Variants in PKP1 observed in about 807,000 individuals in gnomAD.
The protein encoded by PKP1 is plakophilin 1.
Under a neutral mutation model 76.4 loss-of-function variants are expected in PKP1, and 27 were observed. That is an observed-to-expected ratio of 0.35 (90% CI 0.26 to 0.49). The LOEUF is 0.49. Ranked by LOEUF, PKP1 falls within the 20% of genes least tolerant of loss-of-function variation. The pLI is 0.99. For synonymous variants in PKP1, 404 were observed against 384.2 expected (o/e 1.05, Z -0.60); for missense variants, 964 against 955.2 (o/e 1.01, Z -0.12).
chr1:201,314,333 G>T (rs1337876590), intron 3 of PKP1, among the ~76,000 whole-genome samples: 1 of 152,144 alleles, frequency 6.6e-6, no homozygotes, highest in Non-Finnish European at 1.5e-5. Context: ...ATGGTGGCGG[G>T]TGCCTGTAGT....
At chr1:201,319,935 T>C in intron 6 of PKP1, 1 of 1,560,938 alleles carries the variant, frequency 6.4e-7, no homozygotes, top group Non-Finnish European at 8.8e-7. Context: ...CATTGCCAGT[T>C]ATAAAGTTAC....
intron 2 of PKP1, among the ~76,000 whole-genome samples, chr1:201,312,102 C>T (rs1052710064): frequency 6.6e-6 from 1 of 152,332 alleles, no homozygotes; most frequent in Non-Finnish European, 1.5e-5. Flanking sequence ...CCCTGTACCC[C>T]ACCTTGCAGC....
At chr1:201,299,478 G>A (rs535294475) in intron 2 of PKP1, among the ~76,000 whole-genome samples, 1 of 152,304 alleles carries the variant, frequency 6.6e-6, no homozygotes, top group East Asian at 1.9e-4. Flanking sequence ...TATGGAGCAA[G>A]GCAATTGGAC....
At chr1:201,329,688 C>T (rs1284464876) in intron 13 of PKP1, among the ~76,000 whole-genome samples, 4 of 152,168 alleles carry the variant, frequency 2.6e-5, no homozygotes, top group African/African-American at 7.2e-5. Context: ...CACCCCAATC[C>T]CTGGTGGGGA....
chr1:201,313,518 G>A lies in PKP1; in HGVS notation c.659G>A (p.Cys220Tyr). The A allele has an allele frequency of 6.2e-7, 1 of 1,614,048 alleles. No homozygotes were observed. The highest frequency in any genetic ancestry group is 8.5e-7 in the Non-Finnish European group (1 of 1,180,004). Residue 220 changes from cysteine (C) to tyrosine (Y), a missense_variant, in exon 3 of 14, where the codon TGC (cysteine) becomes TAC (tyrosine). Coordinates refer to ENST00000367324, the MANE Select transcript of PKP1 (RefSeq NM_001005337.3). ...QDPVYIPPIS[C>Y]NKDLSFGHSR... ...CCTGTGTATATCCCGCCCATCTCCT[G>A]CAACAAGGACCTGTCCTTTGGCCAC... is the stretch of plus-strand genomic sequence containing the variant.
intron 1 of PKP1, among the ~76,000 whole-genome samples, chr1:201,290,239 G>T (rs984463469): frequency 1.3e-5 from 2 of 152,118 alleles, no homozygotes; most frequent in African/African-American, 4.8e-5. Flanking sequence ...AGCAGGTTGT[G>T]TTGCTTGTAT....
chr1:201,313,263 G>A lies in PKP1; in HGVS notation c.404G>A (p.Cys135Tyr). ...AGCCGGCACTACCCCCGGGGCAGCT[G>A]TAACACCACCGGCGCAGGCAGCGAC... is the stretch of plus-strand genomic sequence containing the variant. ...NWSRHYPRGS[C>Y]NTTGAGSDIC... Residue 135 changes from cysteine (C) to tyrosine (Y), a missense_variant, in exon 3 of 14, where the codon TGT becomes TAT. Cys to Tyr is a radical substitution (Grantham distance 194). Coordinates refer to ENST00000367324, the MANE Select transcript of PKP1 (RefSeq NM_001005337.3). 2 of 1,605,228 alleles carry A rather than the reference G, an allele frequency of 1.2e-6. No individual in the cohort carries two copies. Among genetic ancestry groups the A allele is most frequent in the Non-Finnish European group, 1.7e-6 (2 of 1,176,322 alleles).
intron 8 of PKP1, 51 bp downstream of exon 8, chr1:201,322,184 G>A (rs749972852): frequency 6.4e-5 from 102 of 1,588,050 alleles, no homozygotes; most frequent in Non-Finnish European, 8.7e-5. Flanking sequence ...CACCCCCCCA[G>A]GAGCCACTGC....
At chr1:201,325,977 T>C (rs1657116343) in intron 12 of PKP1, 139 bp downstream of exon 12, 2 of 689,628 alleles carry the variant, frequency 2.9e-6, no homozygotes, top group Non-Finnish European at 5.3e-6. Flanking sequence ...AGACAGCGTC[T>C]ACGTGAAAAT....
At chr1:201,284,589 A>G (rs918757327) in intron 1 of PKP1, among the ~76,000 whole-genome samples, 2 of 152,238 alleles carry the variant, frequency 1.3e-5, no homozygotes, top group Non-Finnish European at 2.9e-5. Context: ...GCCTCCTGAA[A>G]GAGGCTAGCC....
intron 6 of PKP1, among the ~76,000 whole-genome samples, chr1:201,319,450 A>C (rs1656871211): frequency 6.6e-6 from 1 of 152,004 alleles, no homozygotes; most frequent in South Asian, 2.1e-4. Context: ...GTCTTTCCCA[A>C]CTCCTGAGAA....
Position 201,317,616 on chromosome 1 carries a change from C to A in PKP1, c.891C>A (p.Arg297=). The change falls in exon 5 of 14, where the codon CGC becomes CGA. Residue 297 remains arginine, a synonymous_variant. Transcript: ENST00000367324. ...GGICKLVDLL[R]SPNQNVQQAA... is the part of the protein sequence containing the mutation. The stretch of plus-strand genomic sequence containing the variant: ...TCTGCAAGCTGGTGGACCTCCTCCG[C>A]AGCCCCAACCAGAACGTCCAGCAGG... The A allele has an allele frequency of 6.2e-7, 1 of 1,614,086 alleles. No homozygotes were observed. The highest frequency in any genetic ancestry group is 8.5e-7 in the Non-Finnish European group (1 of 1,180,024).
intron 1 of PKP1, among the ~76,000 whole-genome samples, chr1:201,292,157 C>T (rs960670470): frequency 3.3e-5 from 5 of 152,278 alleles, no homozygotes; most frequent in Non-Finnish European, 7.4e-5. Context: ...GTAGTGTGGC[C>T]TTTGATGTCT....
intron 1 of PKP1, among the ~76,000 whole-genome samples, chr1:201,285,959 C>T (rs1470043321): frequency 1.3e-5 from 2 of 152,244 alleles, no homozygotes; most frequent in East Asian, 1.9e-4. Context: ...TCAGACTCTG[C>T]GGAGGTTCCT....
Position 201,328,587 on chromosome 1 carries a change from A to G in PKP1, c.2107-175A>G, listed in dbSNP as rs1016960134. 1.9e-5 allele frequency: 13 copies of G among 680,292 alleles called. No individual in the cohort carries two copies. In the African/African-American group the frequency reaches 2.3e-4, roughly 12 times the overall value. 42.1% of individuals were successfully genotyped at this position (680,292 alleles called of 1,614,324 possible). On this transcript the variant is annotated intron_variant, in intron 12 of 13. Transcript: ENST00000367324. ...ACATTGCACCGACTCATGGAGAGTT[A>G]TTATGTTTTGTTACACAGTTACTGA...
intron 11 of PKP1, 95 bp downstream of exon 11, chr1:201,325,222 G>A (rs1657079740): frequency 2.3e-6 from 3 of 1,308,152 alleles, no homozygotes; most frequent in Middle Eastern, 2.3e-4. Context: ...CCATGGAGTA[G>A]GGGAAGCACC....
At chr1:201,292,835 G>A (rs1246455596) in intron 1 of PKP1, among the ~76,000 whole-genome samples, 2 of 152,196 alleles carry the variant, frequency 1.3e-5, no homozygotes, top group South Asian at 2.1e-4. Flanking sequence ...AAGAGTGTGG[G>A]CCAGGCCACG....
chr1:201,322,787 G>T (rs1215565494), intron 8 of PKP1, among the ~76,000 whole-genome samples: 1 of 152,206 alleles, frequency 6.6e-6, no homozygotes, highest in Admixed American at 6.5e-5. Flanking sequence ...TCCTGGGACA[G>T]TCTGGGGGAC....
At chr1:201,307,246 T>C (rs933538621) in intron 2 of PKP1, among the ~76,000 whole-genome samples, 7 of 152,170 alleles carry the variant, frequency 4.6e-5, no homozygotes, top group Non-Finnish European at 8.8e-5. Flanking sequence ...GATTGCTCTG[T>C]GTCCAGGCGT....
Sources: allele counts gnomAD v4.1 joint callset (sites outside exome capture counted in the v4.1 genomes callset), GRCh38; gene constraint gnomAD v4.1.1; transcripts MANE v1.5; gene names NCBI Gene and HGNC (gene_info 2026-07-23, HGNC 2026-07-21).